The following MBP variants were observed in gnomAD, a reference collection of about 807,000 sequenced individuals.
MBP encodes the protein Golli-MBP.
In MBP, 16 loss-of-function variants were observed where a neutral mutation model predicts 35.8. The observed-to-expected ratio is 0.45, with a 90% CI of 0.30 to 0.68. MBP has a LOEUF of 0.68. Ranked by LOEUF, MBP falls within the 30% of genes least tolerant of loss-of-function variation. MBP has a pLI of 0.08. For synonymous variants in MBP, 143 were observed against 159.6 expected (o/e 0.90, Z 0.78); for missense variants, 380 against 404.7 (o/e 0.94, Z 0.52).
At chr18:77,001,605 C>T (rs1970639109) in intron 4 of MBP, among the ~76,000 whole-genome samples, 1 of 152,208 alleles carries the variant, frequency 6.6e-6, no homozygotes, top group Non-Finnish European at 1.5e-5. Flanking sequence ...AATCCCAGAA[C>T]TTTGGGAGGC....
chr18:77,056,735 T>C (rs1374595591), intron 3 of MBP, among the ~76,000 whole-genome samples: 1 of 152,118 alleles, frequency 6.6e-6, no homozygotes, highest in Non-Finnish European at 1.5e-5. Context: ...TGTCTCACTC[T>C]CCCTGGGGTA....
chr18:77,112,169 G>GCGCACACA (rs370587502), intron 1 of MBP, among the ~76,000 whole-genome samples: 26,653 of 150,886 alleles, frequency 0.18, 2,644 homozygotes, highest in East Asian at 0.38. Flanking sequence ...CCGTGCACAC[G>GCGCACACA]CACACACACA....
At chr18:77,028,138 C>CCCT (rs1972301389) in intron 3 of MBP, among the ~76,000 whole-genome samples, 1 of 148,250 alleles carries the variant, frequency 6.7e-6, no homozygotes, top group African/African-American at 2.5e-5. Context: ...GACCCTGCGG[C>CCCT]CTTCCGCAGT....
intron 2 of MBP, among the ~76,000 whole-genome samples, chr18:77,074,284 C>T (rs935923587): frequency 4.6e-5 from 7 of 151,568 alleles, no homozygotes; most frequent in Admixed American, 1.3e-4. Context: ...TCAGTGAGCC[C>T]GGGTCTCCCC....
rs71174609 is a variant in MBP at position 77,118,612 on chromosome 18, CCA to C, written c.-25-13328_-25-13327del. ...CACCCACACACACACTCCACAGACA[CCA>C]CACACACACACACACACACACACAC... On this transcript the variant is annotated intron_variant, in intron 1 of 8. Coordinates refer to ENST00000355994, the MANE Select transcript of MBP (RefSeq NM_001025101.2). Among the ~76,000 whole-genome samples the C allele has an allele frequency of 6.5e-3, 865 of 134,080 alleles. 7 individuals carry two copies. Among genetic ancestry groups the C allele is most frequent in the Middle Eastern group, 0.019 (5 of 260 alleles). The allele number at this position is 134,080 out of a possible 152,430, so 88.0% of individuals were successfully genotyped here.
intron 2 of MBP, among the ~76,000 whole-genome samples, chr18:77,090,655 C>T (rs1483956247): frequency 6.6e-6 from 1 of 152,210 alleles, no homozygotes; most frequent in Non-Finnish European, 1.5e-5. Context: ...TTTCCTAACA[C>T]CTCACTTTGG....
intron 3 of MBP, among the ~76,000 whole-genome samples, chr18:77,056,520 C>T (rs995935894): frequency 4.6e-5 from 7 of 152,192 alleles, no homozygotes; most frequent in African/African-American, 1.4e-4. Context: ...CCAGTCCCTG[C>T]GGGAGGCAGG....
intron 4 of MBP, chr18:77,013,249 CA>C (rs1416434046): frequency 1.0e-6 from 1 of 985,330 alleles, no homozygotes; most frequent in African/African-American, 1.7e-5. Context: ...GTGGCTGGAT[CA>C]GTTACCATGC....
intron 4 of MBP, chr18:77,015,521 C>G: frequency 1.0e-6 from 1 of 985,378 alleles, no homozygotes; most frequent in Non-Finnish European, 1.2e-6. Flanking sequence ...TACAAATGCA[C>G]TGAAAGAACT....
chr18:77,003,136 A>G (rs1199266595), intron 4 of MBP: 1 of 152,226 alleles, frequency 6.6e-6, no homozygotes, highest in Non-Finnish European at 1.5e-5. Context: ...GTCATTTTAA[A>G]AGACGCATTT....
At chr18:77,003,243 G>A (rs1046325358) in intron 4 of MBP, 7 of 152,084 alleles carry the variant, frequency 4.6e-5, no homozygotes, top group Non-Finnish European at 5.9e-5. Flanking sequence ...GTCCTATTTT[G>A]TCTATGTGAC....
chr18:76,991,412 G>T (rs544077208), intron 4 of MBP, among the ~76,000 whole-genome samples: 3 of 152,076 alleles, frequency 2.0e-5, no homozygotes, highest in Admixed American at 2.0e-4. Flanking sequence ...GGGACATGGG[G>T]GCAGGTGACA....
At chr18:77,045,559 T>C (rs984123834) in intron 3 of MBP, among the ~76,000 whole-genome samples, 1 of 152,132 alleles carries the variant, frequency 6.6e-6, no homozygotes, top group Non-Finnish European at 1.5e-5. Flanking sequence ...GGAAGGCACC[T>C]GCACTGCCAA....
chr18:77,059,421 TTTA>T (rs1250804902), intron 3 of MBP, among the ~76,000 whole-genome samples: 3 of 151,794 alleles, frequency 2.0e-5, no homozygotes, highest in African/African-American at 4.8e-5. Flanking sequence ...AATTTGCTGC[TTTA>T]TTAATTATAA....
chr18:76,980,777 CCG>C (rs1969147624), intron 8 of MBP: 1 of 363,980 alleles, frequency 2.7e-6, no homozygotes, highest in Admixed American at 4.3e-5. Context: ...GAAAGTGCAG[CCG>C]CTCCATTGCT....
chr18:77,132,318 G>A lies in MBP; in HGVS notation c.-26+262C>T, dbSNP rs780341806. ...CCCCGCGCAATGGGGATCGGGGGCG[G>A]CGACTTGGGTTCGGGTCAGGGAGGC... On this transcript the variant is annotated intron_variant, in intron 1 of 8. Transcript: ENST00000355994. Among the ~76,000 whole-genome samples the A allele has an allele frequency of 1.8e-3, 281 of 152,300 alleles. 3 individuals carry two copies. The highest frequency in any genetic ancestry group is 1.7e-3 in the Non-Finnish European group (114 of 68,014).
intron 3 of MBP, among the ~76,000 whole-genome samples, chr18:77,040,549 A>G (rs1446710664): frequency 1.3e-5 from 2 of 152,250 alleles, no homozygotes; most frequent in Admixed American, 1.3e-4. Context: ...GGCTACAGTA[A>G]CCAAAACAGC....
chr18:77,004,887 GGTTGTGTTTTCTCTCCCAT>G (rs1488287433), intron 4 of MBP: 1 of 152,224 alleles, frequency 6.6e-6, no homozygotes, highest in Non-Finnish European at 1.5e-5. Context: ...GGGCATATCT[GGTTGTGTTTTCTCTCCCAT>G]GTTTCATGGG....
intron 4 of MBP, among the ~76,000 whole-genome samples, chr18:77,001,289 T>C (rs954010706): frequency 6.6e-6 from 1 of 152,196 alleles, no homozygotes. Context: ...GGCTGGGGTG[T>C]GCCCGCGTTT....
Sources: allele counts gnomAD v4.1 joint callset (sites outside exome capture counted in the v4.1 genomes callset), GRCh38; gene constraint gnomAD v4.1.1; transcripts MANE v1.5; gene names NCBI Gene and HGNC (gene_info 2026-07-23, HGNC 2026-07-21).